MED13L: variants seen among roughly 807,000 people sequenced by gnomAD.
MED13L encodes mediator complex subunit 13L.
MED13L carries 7 observed loss-of-function variants against 220.9 expected under a neutral mutation model. That is an observed-to-expected ratio of 0.03 (90% CI 0.02 to 0.06). The LOEUF (loss-of-function observed/expected upper bound fraction) is 0.06. Ranked by LOEUF, MED13L falls within the 10% of genes least tolerant of loss-of-function variation. The pLI, the probability that MED13L is intolerant of heterozygous loss-of-function variation, is 1.00. For synonymous variants in MED13L, 1,011 were observed against 1,015.2 expected (o/e 1.00, Z 0.08); for missense variants, 1,965 against 2,760.5 (o/e 0.71, Z 6.46).
intron 4 of MED13L, among the ~76,000 whole-genome samples, chr12:116,059,187 C>T (rs1869233421): frequency 6.6e-6 from 1 of 152,160 alleles, no homozygotes; most frequent in South Asian, 2.1e-4. Context: ...CCCACCTGAG[C>T]CTCCCAAGTG....
intron 1 of MED13L, among the ~76,000 whole-genome samples, chr12:116,272,254 G>A (rs1055758668): frequency 2.0e-5 from 3 of 152,086 alleles, no homozygotes; most frequent in African/African-American, 7.2e-5. Flanking sequence ...TCTGAAAGTG[G>A]TAAGGAATAC....
intron 2 of MED13L, among the ~76,000 whole-genome samples, chr12:116,221,966 A>G (rs567875389): frequency 3.9e-5 from 6 of 152,338 alleles, no homozygotes; most frequent in Admixed American, 3.9e-4. Flanking sequence ...CACATTTTAA[A>G]ACATCCAATG....
rs548113262 is a variant in MED13L, at chr12:116,031,370, G to A, written c.480-8769C>T. 2.0e-5 allele frequency among the ~76,000 whole-genome samples: 3 copies of A among 151,842 alleles called. No homozygotes were observed. The South Asian group carries it at 6.2e-4, about 31-fold the overall frequency. On this transcript the variant is annotated intron_variant, in intron 4 of 30. Coordinates refer to ENST00000281928, the MANE Select transcript of MED13L (RefSeq NM_015335.5). The stretch of plus-strand genomic sequence containing the variant: ...AGAGGCGGGCGGATCACGAGGTCAG[G>A]AGATTGAGACCATCCTGGCTAACAC...
At chr12:116,228,427 C>T (rs1869220697) in intron 2 of MED13L, among the ~76,000 whole-genome samples, 1 of 152,114 alleles carries the variant, frequency 6.6e-6, no homozygotes. Context: ...AGTAATCCTC[C>T]CACCTTAGCC....
intron 4 of MED13L, among the ~76,000 whole-genome samples, chr12:116,057,055 A>G (rs568073594): frequency 6.6e-6 from 1 of 152,362 alleles, no homozygotes; most frequent in East Asian, 1.9e-4. Context: ...TCTTTCTCTC[A>G]TAAGATTTAA....
intron 2 of MED13L, among the ~76,000 whole-genome samples, chr12:116,210,551 C>CTATATATATATATATA (rs3043762): frequency 7.0e-4 from 80 of 113,612 alleles, no homozygotes; most frequent in African/African-American, 1.6e-3. Flanking sequence ...AGAACGTAAC[C>CTATATATATATATATA]TATATATATA....
intron 2 of MED13L, among the ~76,000 whole-genome samples, chr12:116,113,296 T>C (rs928304037): frequency 4.6e-5 from 7 of 151,990 alleles, no homozygotes; most frequent in East Asian, 1.9e-4. Context: ...GTGACACCTA[T>C]TCGGCACATT....
At chr12:116,125,541 C>A (rs1875508862) in intron 2 of MED13L, among the ~76,000 whole-genome samples, 1 of 152,106 alleles carries the variant, frequency 6.6e-6, no homozygotes, top group Admixed American at 6.5e-5. Context: ...TTTTATGTGT[C>A]CCACACAATT....
At chr12:116,151,211 T>C (rs776921526) in intron 2 of MED13L, among the ~76,000 whole-genome samples, 1 of 152,326 alleles carries the variant, frequency 6.6e-6, no homozygotes, top group East Asian at 1.9e-4. Context: ...TATTTAGTTA[T>C]GAATTTCTGT....
intron 14 of MED13L, 97 bp from the exon 15 acceptor site, chr12:115,997,327 C>T: frequency 1.1e-6 from 1 of 911,760 alleles, no homozygotes; most frequent in East Asian, 2.6e-5. Context: ...AAAAATAGTG[C>T]TAATTAAATG....
At chr12:116,029,844 G>A (rs952452453) in intron 4 of MED13L, among the ~76,000 whole-genome samples, 2 of 152,050 alleles carry the variant, frequency 1.3e-5, no homozygotes, top group Non-Finnish European at 2.9e-5. Flanking sequence ...AAGAAAGAAC[G>A]TATCCTCTTT....
At chr12:116,035,029 C>T (rs747447518) in intron 4 of MED13L, among the ~76,000 whole-genome samples, 1 of 152,036 alleles carries the variant, frequency 6.6e-6, no homozygotes, top group African/African-American at 2.4e-5. Context: ...CAAAACAAAA[C>T]AAAAAGCAGA....
chr12:115,968,941 C>T lies in MED13L; in HGVS notation c.6224G>A (p.Arg2075Gln), dbSNP rs769404734. The change falls in exon 28 of 31, where the codon CGG (arginine) becomes CAG (glutamine). Residue 2075 changes from arginine (R) to glutamine (Q), a missense_variant and splice_region_variant. Transcript: ENST00000281928. ...IGVGSHFQHSRSQGERLLSRE... is the reference protein window; with the variant it reads ...IGVGSHFQHSQSQGERLLSRE... Reference sequence around the variant, plus strand: ...CAACGTACTCCAAATCATCCTTACCCGACTATGCTGGAAGTGAGAGCCCAC... The same window carrying T: ...CAACGTACTCCAAATCATCCTTACCTGACTATGCTGGAAGTGAGAGCCCAC... 7 of 1,613,808 alleles carry T rather than the reference C, an allele frequency of 4.3e-6. No individual in the cohort carries two copies. The highest frequency in any genetic ancestry group is 2.2e-5 in the East Asian group (1 of 44,880).
At chr12:116,078,157 A>G (rs1170950465) in intron 4 of MED13L, among the ~76,000 whole-genome samples, 1 of 151,652 alleles carries the variant, frequency 6.6e-6, no homozygotes, top group African/African-American at 2.4e-5. Context: ...AAAAAAAAAA[A>G]AAAGGAAGGA....
intron 2 of MED13L, among the ~76,000 whole-genome samples, chr12:116,126,515 C>A (rs962392078): frequency 2.0e-5 from 3 of 152,142 alleles, no homozygotes; most frequent in African/African-American, 7.2e-5. Flanking sequence ...ACCAGGACAG[C>A]TGCAGTTTTA....
At chr12:115,982,835 C>T (rs1486587113) in intron 21 of MED13L, among the ~76,000 whole-genome samples, 1 of 152,168 alleles carries the variant, frequency 6.6e-6, no homozygotes, top group East Asian at 1.9e-4. Flanking sequence ...TCTTTTTCAA[C>T]TCCCCTTTCT....
chr12:115,987,918 A>AATG (rs1877807661), intron 17 of MED13L, among the ~76,000 whole-genome samples: 1 of 152,120 alleles, frequency 6.6e-6, no homozygotes, highest in Admixed American at 6.5e-5. Context: ...CTGGGGAGGG[A>AATG]TTTCTAACCT....
At chr12:116,112,516 T>C (rs551064378) in intron 2 of MED13L, among the ~76,000 whole-genome samples, 1 of 152,230 alleles carries the variant, frequency 6.6e-6, no homozygotes, top group Non-Finnish European at 1.5e-5. Flanking sequence ...AGGCCTTTTA[T>C]CTTCTATTAG....
chr12:116,006,036 C>T (rs1184313970), intron 12 of MED13L, 43 bp from the exon 13 acceptor site: 1 of 1,612,222 alleles, frequency 6.2e-7, no homozygotes, highest in Admixed American at 1.7e-5. Context: ...ACAACTCCAC[C>T]AAGCGCAAAG....
Sources: allele counts gnomAD v4.1 joint callset (sites outside exome capture counted in the v4.1 genomes callset), GRCh38; gene constraint gnomAD v4.1.1; transcripts MANE v1.5; gene names NCBI Gene and HGNC (gene_info 2026-07-23, HGNC 2026-07-21).